Variants in MARCHF9 observed in about 807,000 individuals in gnomAD.
MARCHF9 encodes membrane associated ring-CH-type finger 9.
A neutral mutation model predicts 35.2 loss-of-function variants in MARCHF9; 17 were observed. The ratio of observed to expected loss-of-function variants is 0.48; its 90% confidence interval spans 0.33 to 0.72. The LOEUF (loss-of-function observed/expected upper bound fraction) is 0.72, where lower values mean the gene tolerates loss of function less well. Ranked by LOEUF, MARCHF9 falls within the 30% of genes least tolerant of loss-of-function variation. The pLI, the probability that MARCHF9 is intolerant of heterozygous loss-of-function variation, is 0.02. For missense variants in MARCHF9, 386 were observed against 478.2 expected, an observed-to-expected ratio of 0.81 and a Z score of 1.80; for synonymous variants, 183 against 207.4, an observed-to-expected ratio of 0.88 and a Z score of 1.01.
At position 57,755,724 on chromosome 12, in the gene MARCHF9, C is replaced by T. The variant is rs1268251608; in HGVS notation, c.196C>T (p.Arg66Trp). ...GTACTACGGGTCGGAGCCGCGGGCCCGGGGCCTGGCCGGCGACAAGGAGCC... is the reference window on the plus strand; with the variant it reads ...GTACTACGGGTCGGAGCCGCGGGCCTGGGGCCTGGCCGGCGACAAGGAGCC... ...EEYYGSEPRA[R>W]GLAGDKEPRA... The change falls in exon 1 of 4, where the codon CGG (arginine) becomes TGG (tryptophan). Residue 66 changes from arginine (R) to tryptophan (W), a missense_variant. Arg to Trp is a moderately radical substitution (Grantham distance 101). Around this residue, in one of 3 missense-constraint regions of MARCHF9, gnomAD observed 219 missense variants for 316.2 expected, o/e 0.69. Transcript: ENST00000266643. The T allele has an allele frequency of 3.3e-6, 4 of 1,219,822 alleles. No individual in the cohort carries two copies. Among genetic ancestry groups the T allele is most frequent in the Admixed American group, 4.4e-5 (1 of 22,752 alleles). The allele number at this position is 1,219,822 out of a possible 1,614,324, so 75.6% of individuals were successfully genotyped here. A position where few individuals can be genotyped will look rare whatever the true frequency, so the allele number is the denominator to read the frequency against.
At chr12:57,755,913 G>A in intron 1 of MARCHF9, 28 bp downstream of exon 1, 2 of 1,423,410 alleles carry the variant, frequency 1.4e-6, no homozygotes, top group Non-Finnish European at 1.8e-6. Context: ...GGCCGGGCGC[G>A]GAGGGTGGAG....
At chr12:57,757,681 T>G (rs1028606887) in intron 2 of MARCHF9, 33 of 419,526 alleles carry the variant, frequency 7.9e-5, no homozygotes, top group Admixed American at 1.6e-4. Flanking sequence ...GAAAAAATGA[T>G]GTTGATGATG....
Position 57,759,827 on chromosome 12 carries a change from G to T in MARCHF9, c.*930G>T, listed in dbSNP as rs1955309004. Reference sequence around the variant, plus strand: ...TTCTAAAATGTGTTTTTCATCTGGAGTTGCACAGAATCATGGAATTTTGTG... The same window carrying T: ...TTCTAAAATGTGTTTTTCATCTGGATTTGCACAGAATCATGGAATTTTGTG... On this transcript the variant is annotated 3_prime_UTR_variant, in exon 4 of 4. Coordinates refer to ENST00000266643, the MANE Select transcript of MARCHF9 (RefSeq NM_138396.6). 1 of 152,224 alleles carries T rather than the reference G, an allele frequency of 6.6e-6. No individual in the cohort carries two copies. The highest frequency in any genetic ancestry group is 2.4e-5 in the African/African-American group (1 of 41,462). The allele number at this position is 152,224 out of a possible 1,614,324, so 9.4% of individuals were successfully genotyped here. A position where few individuals can be genotyped will look rare whatever the true frequency, so the allele number is the denominator to read the frequency against.
In MARCHF9 at chr12:57,755,130, C is replaced by G. The variant is rs1042085863; in HGVS notation, c.-399C>G. Reference sequence around the variant, plus strand: ...CCGCCATTTGCCACCGCCGAGCGCACGGGCCGAGCCAAGCCTGATCCCGGA... The same window carrying G: ...CCGCCATTTGCCACCGCCGAGCGCAGGGGCCGAGCCAAGCCTGATCCCGGA... On this transcript the variant is annotated 5_prime_UTR_variant, in exon 1 of 4. Coordinates refer to ENST00000266643, the MANE Select transcript of MARCHF9 (RefSeq NM_138396.6). 3.3e-5 allele frequency: 5 copies of G among 153,482 alleles called. No individual in the cohort carries two copies. In the South Asian group the frequency reaches 5.3e-4, roughly 16 times the overall value. The allele number at this position is 153,482 out of a possible 1,614,324, so 9.5% of individuals were successfully genotyped here. A position where few individuals can be genotyped will look rare whatever the true frequency, so the allele number is the denominator to read the frequency against.
Position 57,759,568 on chromosome 12 carries a change from T to A in MARCHF9, c.*671T>A, listed in dbSNP as rs1267630521. On this transcript the variant is annotated 3_prime_UTR_variant, in exon 4 of 4. Transcript: ENST00000266643. ...CTGGTGAATAATTCATGTTGGCTGC[T>A]AGGTGGCAGCACTCCGAGGTATCTA... 6.6e-6 allele frequency: 1 copy of A among 152,198 alleles called. No individual in the cohort carries two copies. The highest frequency in any genetic ancestry group is 1.5e-5 in the Non-Finnish European group (1 of 68,056). The allele number at this position is 152,198 out of a possible 1,614,324, so 9.4% of individuals were successfully genotyped here. A position where few individuals can be genotyped will look rare whatever the true frequency, so the allele number is the denominator to read the frequency against.
Position 57,755,570 on chromosome 12 carries a change from G to T in MARCHF9, c.42G>T (p.Lys14Asn). 1 of 1,401,560 alleles carries T rather than the reference G, an allele frequency of 7.1e-7. No homozygotes were observed. The highest frequency in any genetic ancestry group is 9.3e-7 in the Non-Finnish European group (1 of 1,072,840). 86.8% of individuals were successfully genotyped at this position (1,401,560 alleles called of 1,614,324 possible). Reference sequence around the variant, plus strand: ...TCCGCATGTTTCTGAACGAGCTGAAGCTGCTGGTGCTGACAGGCGGGGGGC... The same window carrying T: ...TCCGCATGTTTCTGAACGAGCTGAATCTGCTGGTGCTGACAGGCGGGGGGC... ...SRLRMFLNEL[K>N]LLVLTGGGRP... The change falls in exon 1 of 4, where the codon AAG becomes AAT. Residue 14 changes from lysine to asparagine, a missense_variant. Physicochemically the swap from Lys to Asn is moderately conservative, Grantham distance 94 (BLOSUM62 0). Transcript: ENST00000266643.
chr12:57,758,716 C>T lies in MARCHF9; in HGVS notation c.860C>T (p.Ser287Leu), dbSNP rs376882460. ...GTAGKSGPRN[S>L]RTGPTSGATS... is the part of the protein sequence containing the mutation. The stretch of plus-strand genomic sequence containing the variant: ...GCAGGGAAGTCAGGCCCCAGGAACT[C>T]ACGGACGGGCCCCACCTCTGGGGCC... Residue 287 changes from serine (S) to leucine (L), a missense_variant, in exon 4 of 4, where the codon TCA becomes TTA. Physicochemically the swap from Ser to Leu is moderately radical, Grantham distance 145. This residue lies in a region of MARCHF9 where 111 missense variants were observed against 112.4 expected (regional missense o/e 0.99). Transcript: ENST00000266643. This position sits in a 1 kb window ranked among gnomAD's most constrained non-coding sequence, Gnocchi z 5.4. 7 of 1,610,304 alleles carry T rather than the reference C, an allele frequency of 4.3e-6. No homozygotes were observed. The African/African-American group carries it at 9.3e-5, about 22-fold the overall frequency.
chr12:57,758,310 C>T lies in MARCHF9; in HGVS notation c.706+10C>T, dbSNP rs1955299513. 1 of 1,600,702 alleles carries T rather than the reference C, an allele frequency of 6.2e-7. No individual in the cohort carries two copies. On this transcript the variant is annotated intron_variant, in intron 3 of 3. Transcript: ENST00000266643. This position sits in a 1 kb window ranked among gnomAD's most constrained non-coding sequence, Gnocchi z 5.4. ...GATGTCGTCTGCATAGGTGAGGGCACCTCTCTCTCCTTTACCTGCTCTGTA... is the reference window on the plus strand; with the variant it reads ...GATGTCGTCTGCATAGGTGAGGGCATCTCTCTCTCCTTTACCTGCTCTGTA...
At position 57,755,508 on chromosome 12, in the gene MARCHF9, C is replaced by G; in HGVS notation, c.-21C>G. On this transcript the variant is annotated 5_prime_UTR_variant, in exon 1 of 4. Coordinates refer to ENST00000266643, the MANE Select transcript of MARCHF9 (RefSeq NM_138396.6). ...AGCGAGCCCCCCTTGCACGCTGCCC[C>G]CCGCCCCCGGTGTCCGGACGATGCT... The G allele has an allele frequency of 7.9e-7, 1 of 1,269,944 alleles. No homozygotes were observed. Among genetic ancestry groups the G allele is most frequent in the Non-Finnish European group, 1.0e-6 (1 of 990,320 alleles). The allele number at this position is 1,269,944 out of a possible 1,614,324, so 78.7% of individuals were successfully genotyped here. A position where few individuals can be genotyped will look rare whatever the true frequency, so the allele number is the denominator to read the frequency against.
Position 57,758,483 on chromosome 12 carries a change from C to G in MARCHF9, c.707-80C>G. 6.9e-7 allele frequency: 1 copy of G among 1,445,584 alleles called. No individual in the cohort carries two copies. Among genetic ancestry groups the G allele is most frequent in the Non-Finnish European group, 9.3e-7 (1 of 1,075,556 alleles). The allele number at this position is 1,445,584 out of a possible 1,614,324, so 89.5% of individuals were successfully genotyped here. A position where few individuals can be genotyped will look rare whatever the true frequency, so the allele number is the denominator to read the frequency against. On this transcript the variant is annotated intron_variant, in intron 3 of 3. Transcript: ENST00000266643. The surrounding 1 kb of genome is among the most constrained non-coding windows in gnomAD (Gnocchi z 5.4). The stretch of plus-strand genomic sequence containing the variant: ...CCCTTTGCAACTGTATCTTCTCACT[C>G]TGAAGAAATGCTTGCTTAAGTACCT...
rs764904767 is a variant in MARCHF9, at chr12:57,758,200, C to T, written c.606C>T (p.Leu202=). ...SLFLVASISW[L]IWSSLSPSAK... is the part of the protein sequence containing the mutation. ...TCCTGGTTGCCAGCATCTCCTGGCTCATCTGGTCCTCACTCAGCCCTTCAG... is the reference window on the plus strand; with the variant it reads ...TCCTGGTTGCCAGCATCTCCTGGCTTATCTGGTCCTCACTCAGCCCTTCAG... The change falls in exon 3 of 4, where the codon CTC becomes CTT. Residue 202 remains leucine (L), a synonymous_variant. Coordinates refer to ENST00000266643, the MANE Select transcript of MARCHF9 (RefSeq NM_138396.6). The surrounding 1 kb of genome is among the most constrained non-coding windows in gnomAD (Gnocchi z 5.4). 91 of 1,614,110 alleles carry T rather than the reference C, an allele frequency of 5.6e-5. No homozygotes were observed. The highest frequency in any genetic ancestry group is 7.4e-5 in the Non-Finnish European group (87 of 1,180,042).
rs370203524 is a variant in MARCHF9, at chr12:57,758,776, C to T, written c.920C>T (p.Thr307Met). ...SRPPAAQRMRTLLPQRCGYTI... is the reference protein window; with the variant it reads ...SRPPAAQRMRMLLPQRCGYTI... ...CCCCCAGCTGCCCAGCGCATGCGGA[C>T]GCTCTTGCCTCAGCGCTGCGGTTAT... The change falls in exon 4 of 4, where the codon ACG becomes ATG. Residue 307 changes from threonine to methionine, a missense_variant. By Grantham distance (81) the Thr-to-Met change is moderately conservative (BLOSUM62 -1). This residue lies in a region of MARCHF9 where 111 missense variants were observed against 112.4 expected (regional missense o/e 0.99). Transcript: ENST00000266643. This position sits in a 1 kb window ranked among gnomAD's most constrained non-coding sequence, Gnocchi z 5.4. The T allele has an allele frequency of 5.3e-5, 85 of 1,613,080 alleles. No individual in the cohort carries two copies. Among genetic ancestry groups the T allele is most frequent in the Non-Finnish European group, 6.5e-5 (77 of 1,179,762 alleles).
Position 57,758,462 on chromosome 12 carries a change from T to G in MARCHF9, c.707-101T>G. 1 of 1,379,064 alleles carries G rather than the reference T, an allele frequency of 7.3e-7. No individual in the cohort carries two copies. The highest frequency in any genetic ancestry group is 9.8e-7 in the Non-Finnish European group (1 of 1,023,510). The allele number at this position is 1,379,064 out of a possible 1,614,324, so 85.4% of individuals were successfully genotyped here. ...CACTTCCCTGCTTCTCCAGGGCCCTTTGCAACTGTATCTTCTCACTCTGAA... is the reference window on the plus strand; with the variant it reads ...CACTTCCCTGCTTCTCCAGGGCCCTGTGCAACTGTATCTTCTCACTCTGAA... On this transcript the variant is annotated intron_variant, in intron 3 of 3. Coordinates refer to ENST00000266643, the MANE Select transcript of MARCHF9 (RefSeq NM_138396.6). The surrounding 1 kb of genome is among the most constrained non-coding windows in gnomAD (Gnocchi z 5.4).
At chr12:57,757,932 A>G (rs1226214812) in intron 2 of MARCHF9, 176 bp from the exon 3 acceptor site, 1 of 725,744 alleles carries the variant, frequency 1.4e-6, no homozygotes, top group East Asian at 2.7e-5. Context: ...AAAGTAAGAC[A>G]AATGGTGTCA....
chr12:57,755,441 C>A lies in MARCHF9; in HGVS notation c.-88C>A. ...CGGCCCGGCTCGGCTCTCTAGCGCG[C>A]GCCCCCTTCCCGGCCTTGTCCTCTC... On this transcript the variant is annotated 5_prime_UTR_variant, in exon 1 of 4. Transcript: ENST00000266643. The A allele has an allele frequency of 1.3e-6, 1 of 750,544 alleles. No individual in the cohort carries two copies. The highest frequency in any genetic ancestry group is 1.9e-6 in the Non-Finnish European group (1 of 539,468). 46.5% of individuals were successfully genotyped at this position (750,544 alleles called of 1,614,324 possible). A position where few individuals can be genotyped will look rare whatever the true frequency, so the allele number is the denominator to read the frequency against.
At position 57,758,364 on chromosome 12, in the gene MARCHF9, C is replaced by A; in HGVS notation, c.706+64C>A. On this transcript the variant is annotated intron_variant, in intron 3 of 3. Transcript: ENST00000266643. The surrounding 1 kb of genome is among the most constrained non-coding windows in gnomAD (Gnocchi z 5.4). ...TCCTCTTACACACCTAACTCCCCTG[C>A]CCATCCCCTCAGTTTCCTGGCTTTA... 2 of 1,513,088 alleles carry A rather than the reference C, an allele frequency of 1.3e-6. No individual in the cohort carries two copies. Among genetic ancestry groups the A allele is most frequent in the Non-Finnish European group, 8.9e-7 (1 of 1,118,096 alleles). 93.7% of individuals were successfully genotyped at this position (1,513,088 alleles called of 1,614,324 possible).
In MARCHF9 at chr12:57,759,583, C is replaced by T. The variant is rs1463744490; in HGVS notation, c.*686C>T. On this transcript the variant is annotated 3_prime_UTR_variant, in exon 4 of 4. Coordinates refer to ENST00000266643, the MANE Select transcript of MARCHF9 (RefSeq NM_138396.6). ...TGTTGGCTGCTAGGTGGCAGCACTCCGAGGTATCTAAAGGGTAGACCTGGA... is the reference window on the plus strand; with the variant it reads ...TGTTGGCTGCTAGGTGGCAGCACTCTGAGGTATCTAAAGGGTAGACCTGGA... 1.3e-5 allele frequency: 2 copies of T among 152,130 alleles called. No individual in the cohort carries two copies. The highest frequency in any genetic ancestry group is 2.9e-5 in the Non-Finnish European group (2 of 68,044). The allele number at this position is 152,130 out of a possible 1,614,324, so 9.4% of individuals were successfully genotyped here. A position where few individuals can be genotyped will look rare whatever the true frequency, so the allele number is the denominator to read the frequency against.
chr12:57,755,958 A>G (rs1955284491), intron 1 of MARCHF9, 73 bp downstream of exon 1: 1 of 1,194,860 alleles, frequency 8.4e-7, no homozygotes, highest in South Asian at 1.6e-5. Flanking sequence ...GACCGCGAGC[A>G]GGCGCGGCGC....
In MARCHF9 at chr12:57,758,886, A is replaced by C; in HGVS notation, c.1030A>C (p.Thr344Pro). 1 of 1,593,090 alleles carries C rather than the reference A, an allele frequency of 6.3e-7. No homozygotes were observed. The highest frequency in any genetic ancestry group is 8.6e-7 in the Non-Finnish European group (1 of 1,166,494). The change falls in exon 4 of 4, where the codon ACT (threonine) becomes CCT (proline). Residue 344 changes from threonine (T) to proline (P), a missense_variant. Transcript: ENST00000266643. This position sits in a 1 kb window ranked among gnomAD's most constrained non-coding sequence, Gnocchi z 5.4. ...TGGCCGAGAGGTTGTCATGAGGGTC[A>C]CTACAGTCTGAACTGGACTCCAGGA... ...HSGREVVMRVTTV is the reference protein window; with the variant it reads ...HSGREVVMRVPTV
Sources: gnomAD v4.1 joint callset for allele counts on GRCh38, gnomAD v4.1.1 for gene constraint, gnomAD v4.1.1 regional missense constraint, Gnocchi (gnomAD v3.1) non-coding constraint, MANE v1.5 for transcripts, NCBI Gene and HGNC (gene_info 2026-07-23, HGNC 2026-07-21) for gene names.